Variants in HOMER1 observed in about 807,000 individuals in gnomAD.
HOMER1 encodes homer protein homolog 1.
Under a neutral mutation model 48.9 loss-of-function variants are expected in HOMER1, and 3 were observed. That is an observed-to-expected ratio of 0.06 (90% CI 0.03 to 0.16). The LOEUF (loss-of-function observed/expected upper bound fraction) is 0.16. Among genes scored for constraint, HOMER1 ranks in the 10% least tolerant of loss-of-function variants. HOMER1 has a pLI of 1.00. For missense variants in HOMER1, 247 were observed against 411.4 expected (o/e 0.60, Z 3.46); for synonymous variants, 134 against 146.4 (o/e 0.92, Z 0.61).
intron 1 of HOMER1, among the ~76,000 whole-genome samples, chr5:79,471,998 CTTTA>C (rs1276610050): frequency 6.6e-6 from 1 of 152,170 alleles, no homozygotes; most frequent in Non-Finnish European, 1.5e-5. Flanking sequence ...TCCCTCTTCC[CTTTA>C]TTTCTTTTAT....
intron 1 of HOMER1, among the ~76,000 whole-genome samples, chr5:79,506,370 A>C (rs1752767417): frequency 6.6e-6 from 1 of 152,188 alleles, no homozygotes. Flanking sequence ...TTCCTTTCTC[A>C]GACATTTCAT....
chr5:79,437,266 T>C (rs1750610937), intron 5 of HOMER1, among the ~76,000 whole-genome samples: 1 of 152,230 alleles, frequency 6.6e-6, no homozygotes. Flanking sequence ...ATTTAAGTGT[T>C]AGCCAAAGAA....
chr5:79,389,797 G>T (rs1317138206), intron 8 of HOMER1, among the ~76,000 whole-genome samples: 1 of 152,066 alleles, frequency 6.6e-6, no homozygotes, highest in Non-Finnish European at 1.5e-5. Context: ...GACTAAGACA[G>T]GAAACATTTA....
chr5:79,478,016 G>T (rs1751832791), intron 1 of HOMER1, among the ~76,000 whole-genome samples: 1 of 152,120 alleles, frequency 6.6e-6, no homozygotes, highest in African/African-American at 2.4e-5. Flanking sequence ...TTTCAGTTTT[G>T]CACGGACTAT....
intron 5 of HOMER1, among the ~76,000 whole-genome samples, chr5:79,427,818 TTTCC>T (rs747388541): frequency 7.1e-5 from 10 of 141,618 alleles, no homozygotes; most frequent in Admixed American, 2.0e-4. Flanking sequence ...CCTTCCTTCT[TTTCC>T]TTCCTTCCTT....
At chr5:79,449,139 CAT>C (rs1750963075) in intron 3 of HOMER1, among the ~76,000 whole-genome samples, 1 of 152,022 alleles carries the variant, frequency 6.6e-6, no homozygotes, top group African/African-American at 2.4e-5. Flanking sequence ...GCCCAAAAAG[CAT>C]TTAAGGCAAG....
Position 79,386,937 on chromosome 5 carries a change from CCTTCCTTCCTTTCCTTT to C in HOMER1, c.876+9869_876+9885del, listed in dbSNP as rs556298766. On this transcript the variant is annotated intron_variant, in intron 8 of 8. Coordinates refer to ENST00000334082, the MANE Select transcript of HOMER1 (RefSeq NM_004272.5). ...TCCTCCCTCCCTCCTCCCCTCCCTT[CCTTCCTTCCTTTCCTTT>C]CTTCCTTCCCTTCCCTTCTTCCTTC... 7.0e-3 allele frequency among the ~76,000 whole-genome samples: 776 copies of C among 111,388 alleles called. 3 individuals are homozygous for C. The highest frequency in any genetic ancestry group is 0.042 in the Middle Eastern group (10 of 240). 73.1% of individuals were successfully genotyped at this position (111,388 alleles called of 152,430 possible).
intron 1 of HOMER1, among the ~76,000 whole-genome samples, chr5:79,509,998 T>C (rs1195260333): frequency 6.6e-6 from 1 of 152,260 alleles, no homozygotes; most frequent in Admixed American, 6.5e-5. Context: ...TTTAAAGCCC[T>C]GTTTCCTTTT....
intron 3 of HOMER1, 99 bp downstream of exon 3, chr5:79,450,891 A>G: frequency 8.7e-7 from 1 of 1,154,274 alleles, no homozygotes; most frequent in Non-Finnish European, 1.2e-6. Flanking sequence ...ATATTAAATA[A>G]ATTTCTCCTA....
At chr5:79,391,532 C>G (rs974247143) in intron 8 of HOMER1, among the ~76,000 whole-genome samples, 3 of 151,500 alleles carry the variant, frequency 2.0e-5, no homozygotes, top group African/African-American at 7.3e-5. Context: ...ATCACGAAGT[C>G]AGGAGATCGA....
At chr5:79,393,290 C>T (rs903178958) in intron 8 of HOMER1, among the ~76,000 whole-genome samples, 2 of 151,944 alleles carry the variant, frequency 1.3e-5, no homozygotes, top group African/African-American at 4.8e-5. Context: ...ACAAAAAATA[C>T]CTGGGATGGG....
chr5:79,396,538 T>A (rs1239475276), intron 8 of HOMER1, among the ~76,000 whole-genome samples: 1 of 151,956 alleles, frequency 6.6e-6, no homozygotes. Context: ...TGAGCCACCA[T>A]GCCCAAACCC....
chr5:79,375,904 ATTTT>A lies in HOMER1; in HGVS notation c.*101_*104del, dbSNP rs34470593. 234 of 351,956 alleles carry A rather than the reference ATTTT, an allele frequency of 6.6e-4. No individual in the cohort carries two copies. The highest frequency in any genetic ancestry group is 1.2e-3 in the East Asian group (27 of 23,204). The allele number at this position is 351,956 out of a possible 1,614,324, so 21.8% of individuals were successfully genotyped here. A position where few individuals can be genotyped will look rare whatever the true frequency, so the allele number is the denominator to read the frequency against. On this transcript the variant is annotated 3_prime_UTR_variant, in exon 9 of 9. Coordinates refer to ENST00000334082, the MANE Select transcript of HOMER1 (RefSeq NM_004272.5). Reference sequence around the variant, plus strand: ...CCTCCTCCTGGAGGAGTGATATTCAATTTTTTTTTTTTTTTTTTTGTGCAATCTT... The same window carrying A: ...CCTCCTCCTGGAGGAGTGATATTCAATTTTTTTTTTTTTTTGTGCAATCTT...
chr5:79,501,357 TAATC>T (rs1297417683), intron 1 of HOMER1, among the ~76,000 whole-genome samples: 7 of 152,216 alleles, frequency 4.6e-5, no homozygotes, highest in Non-Finnish European at 1.0e-4. Flanking sequence ...AAATATGTGT[TAATC>T]AACTGTTTAT....
chr5:79,480,156 C>T (rs955326230), intron 1 of HOMER1, among the ~76,000 whole-genome samples: 4 of 151,732 alleles, frequency 2.6e-5, no homozygotes, highest in African/African-American at 9.7e-5. Context: ...ACAAGAGAAT[C>T]AGAAACAAAA....
At chr5:79,402,757 A>AG (rs1749564609) in intron 5 of HOMER1, among the ~76,000 whole-genome samples, 1 of 152,230 alleles carries the variant, frequency 6.6e-6, no homozygotes, top group African/African-American at 2.4e-5. Flanking sequence ...GTACAATGTT[A>AG]TTCCTTAATG....
chr5:79,462,477 A>T (rs192112429), intron 1 of HOMER1, among the ~76,000 whole-genome samples: 236 of 152,344 alleles, frequency 1.5e-3, no homozygotes, highest in Middle Eastern at 6.8e-3. Context: ...TGGATGTGGA[A>T]AACTGGAAGA....
intron 1 of HOMER1, among the ~76,000 whole-genome samples, chr5:79,480,126 A>G (rs984714214): frequency 3.3e-5 from 5 of 152,156 alleles, no homozygotes; most frequent in African/African-American, 1.2e-4. Context: ...AAGTAAAAAG[A>G]ATAAAAAAAA....
chr5:79,484,638 C>A (rs1351438278), intron 1 of HOMER1, among the ~76,000 whole-genome samples: 1 of 152,130 alleles, frequency 6.6e-6, no homozygotes, highest in Non-Finnish European at 1.5e-5. Context: ...TATAAGAAAA[C>A]CATTTTGAAG....
Sources: gnomAD v4.1 joint callset for allele counts (sites outside exome capture counted in the v4.1 genomes callset) on GRCh38, gnomAD v4.1.1 for gene constraint, MANE v1.5 for transcripts, NCBI Gene and HGNC (gene_info 2026-07-23, HGNC 2026-07-21) for gene names.